Variants in ROBO2 observed in about 807,000 individuals in gnomAD.
The protein encoded by ROBO2 is roundabout homolog 2.
Under a neutral mutation model 160.8 loss-of-function variants are expected in ROBO2, and 53 were observed. The observed-to-expected ratio is 0.33, with a 90% CI of 0.26 to 0.41. The LOEUF is 0.41. Among genes scored for constraint, ROBO2 ranks in the 10% least tolerant of loss-of-function variants. The pLI is 1.00. For synonymous variants in ROBO2, 664 were observed against 611.7 expected, an observed-to-expected ratio of 1.09 and a Z score of -1.26; for missense variants, 1,577 against 1,722.4, an observed-to-expected ratio of 0.92 and a Z score of 1.49.
intron 2 of ROBO2, among the ~76,000 whole-genome samples, chr3:77,321,481 C>T (rs2064692815): frequency 6.6e-6 from 1 of 151,942 alleles, no homozygotes; most frequent in African/African-American, 2.4e-5. Flanking sequence ...TATGCCACTT[C>T]ACTCTCCAGC....
Position 76,658,727 on chromosome 3 carries a change from G to A in ROBO2, c.110-439287G>A, listed in dbSNP as rs578051603. ...ATATGTGCCACATTTTCTTTATCCA[G>A]TCTATCATTGGTGGACATCTGGGTT... On this transcript the variant is annotated intron_variant, in intron 2 of 26. Transcript: ENST00000487694. Among the ~76,000 whole-genome samples, 5 of 152,228 alleles carry A rather than the reference G, an allele frequency of 3.3e-5. No homozygotes were observed. In the South Asian group the frequency reaches 1.0e-3, roughly 32 times the overall value.
intron 2 of ROBO2, among the ~76,000 whole-genome samples, chr3:76,273,716 G>T (rs971159193): frequency 1.3e-5 from 2 of 152,276 alleles, no homozygotes; most frequent in Non-Finnish European, 1.5e-5. Context: ...TCACGATCAT[G>T]AGCAGAGCAG....
intron 2 of ROBO2, among the ~76,000 whole-genome samples, chr3:76,499,348 G>GA (rs774955711): frequency 1.7e-4 from 26 of 152,116 alleles, no homozygotes; most frequent in Non-Finnish European, 3.2e-4. Context: ...AATGTGAAGT[G>GA]AAAAAATGAT....
chr3:76,893,063 A>T (rs2074474147), intron 2 of ROBO2, among the ~76,000 whole-genome samples: 1 of 152,122 alleles, frequency 6.6e-6, no homozygotes, highest in African/African-American at 2.4e-5. Context: ...GGAACCCTGG[A>T]TTCCATCCCA....
At chr3:76,430,618 C>T (rs1313358393) in intron 2 of ROBO2, among the ~76,000 whole-genome samples, 1 of 152,000 alleles carries the variant, frequency 6.6e-6, no homozygotes, top group African/African-American at 2.4e-5. Flanking sequence ...AATAATAAAG[C>T]AACTTTTAAA....
intron 2 of ROBO2, among the ~76,000 whole-genome samples, chr3:76,024,248 A>T (rs541341015): frequency 4.6e-5 from 7 of 151,542 alleles, no homozygotes; most frequent in African/African-American, 1.7e-4. Context: ...AATCGATTAT[A>T]CTTTAAAAGG....
chr3:77,058,048 G>A (rs557613641), intron 1 of ROBO2, among the ~76,000 whole-genome samples: 11 of 152,160 alleles, frequency 7.2e-5, no homozygotes, highest in Non-Finnish European at 1.5e-4. Context: ...TATTTGGGGT[G>A]TATGTGTTGT....
intron 2 of ROBO2, among the ~76,000 whole-genome samples, chr3:77,099,863 G>A (rs1236236880): frequency 3.3e-5 from 5 of 151,990 alleles, no homozygotes. Context: ...ACCAGGTCCT[G>A]AATCTTCTAA....
chr3:76,834,020 T>TTCTC (rs68073950), intron 2 of ROBO2, among the ~76,000 whole-genome samples: 10,903 of 36,996 alleles, frequency 0.29, 1,007 homozygotes, highest in East Asian at 0.47. Context: ...TTTCCTTTCT[T>TTCTC]TCTTTTCTTT....
chr3:77,069,686 T>C (rs372183299), intron 1 of ROBO2, among the ~76,000 whole-genome samples: 2 of 152,242 alleles, frequency 1.3e-5, no homozygotes, highest in East Asian at 3.9e-4. Context: ...CTCCTTTGTA[T>C]GAAACACTCT....
At chr3:76,471,396 C>A (rs2078648375) in intron 2 of ROBO2, among the ~76,000 whole-genome samples, 1 of 152,060 alleles carries the variant, frequency 6.6e-6, no homozygotes, top group South Asian at 2.1e-4. Context: ...AATGGTTCAA[C>A]AATAAGCTGT....
chr3:77,320,956 A>G (rs1345288983), intron 2 of ROBO2, among the ~76,000 whole-genome samples: 10 of 152,306 alleles, frequency 6.6e-5, no homozygotes, highest in African/African-American at 2.4e-4. Context: ...AAAGTAGGCA[A>G]GGTACTTTAC....
At chr3:77,520,619 A>C (rs1420902589) in intron 5 of ROBO2, among the ~76,000 whole-genome samples, 1 of 151,182 alleles carries the variant, frequency 6.6e-6, no homozygotes. Context: ...CTCTTGAAAA[A>C]ACTCAGCTAT....
At chr3:76,566,433 C>T (rs182368946) in intron 2 of ROBO2, among the ~76,000 whole-genome samples, 2 of 152,214 alleles carry the variant, frequency 1.3e-5, no homozygotes, top group East Asian at 3.9e-4. Flanking sequence ...GTCCCTTAGG[C>T]CTGAAATACT....
At chr3:77,579,909 T>C (rs754088292) in intron 15 of ROBO2, 38 bp from the exon 17 acceptor site, 1 of 1,569,774 alleles carries the variant, frequency 6.4e-7, no homozygotes, top group Admixed American at 1.7e-5. Context: ...GAAACGATAA[T>C]CTTATATCCA....
intron 2 of ROBO2, among the ~76,000 whole-genome samples, chr3:76,015,356 G>C (rs1292243370): frequency 1.3e-5 from 2 of 151,916 alleles, no homozygotes; most frequent in Non-Finnish European, 2.9e-5. Flanking sequence ...TTGAGAGTTC[G>C]CAATGATGTT....
At chr3:76,484,946 C>T (rs10511046) in intron 2 of ROBO2, among the ~76,000 whole-genome samples, 13,113 of 151,982 alleles carry the variant, frequency 0.086, 840 homozygotes, top group East Asian at 0.22. Flanking sequence ...ATTTGGTCAA[C>T]TATCTGTGCT....
At chr3:76,049,383 G>GTATATATA (rs1553727226) in intron 2 of ROBO2, among the ~76,000 whole-genome samples, 7 of 36,818 alleles carry the variant, frequency 1.9e-4, no homozygotes, top group East Asian at 1.2e-3. Context: ...GCTAATTTTA[G>GTATATATA]TATATATATA....
intron 2 of ROBO2, among the ~76,000 whole-genome samples, chr3:76,702,818 T>C (rs945765957): frequency 6.6e-6 from 1 of 152,098 alleles, no homozygotes; most frequent in Non-Finnish European, 1.5e-5. Context: ...AAATGCTAGA[T>C]TCGAGAAGGT....
Sources: allele counts gnomAD v4.1 joint callset (sites outside exome capture counted in the v4.1 genomes callset), GRCh38; gene constraint gnomAD v4.1.1; transcripts MANE v1.5; gene names NCBI Gene and HGNC (gene_info 2026-07-23, HGNC 2026-07-21).